The following ZFYVE9 variants were observed in gnomAD, a reference collection of about 807,000 sequenced individuals.
The protein encoded by ZFYVE9 is zinc finger FYVE-type containing 9.
A neutral mutation model predicts 126.7 loss-of-function variants in ZFYVE9; 43 were observed. The observed-to-expected ratio is 0.34, with a 90% confidence interval of 0.27 to 0.44. The LOEUF (loss-of-function observed/expected upper bound fraction) is 0.44, where lower values mean the gene tolerates loss of function less well. Among genes scored for constraint, ZFYVE9 ranks in the 20% least tolerant of loss-of-function variants. The pLI is 1.00. For synonymous variants in ZFYVE9, 521 were observed against 597.4 expected, an observed-to-expected ratio of 0.87 and a Z score of 1.87; for missense variants, 1,476 against 1,697.0, an observed-to-expected ratio of 0.87 and a Z score of 2.29.
At chr1:52,262,947 A>G (rs1645593657) in intron 4 of ZFYVE9, among the ~76,000 whole-genome samples, 1 of 152,032 alleles carries the variant, frequency 6.6e-6, no homozygotes, top group East Asian at 1.9e-4. Flanking sequence ...GTGGTGGCTT[A>G]CACCTGAAGT....
chr1:52,174,664 C>G (rs1179675843), intron 1 of ZFYVE9, among the ~76,000 whole-genome samples: 1 of 151,748 alleles, frequency 6.6e-6, no homozygotes, highest in Non-Finnish European at 1.5e-5. Flanking sequence ...TCACTCAGGA[C>G]TTGCTTTATG....
In ZFYVE9 at chr1:52,337,948, A is replaced by G. The variant is rs1294603944; in HGVS notation, c.3833+14A>G. 4 of 1,611,838 alleles carry G rather than the reference A, an allele frequency of 2.5e-6. No individual in the cohort carries two copies. The highest frequency in any genetic ancestry group is 3.4e-6 in the Non-Finnish European group (4 of 1,178,462). On this transcript the variant is annotated intron_variant, in intron 16 of 18. Coordinates refer to ENST00000287727, the MANE Select transcript of ZFYVE9 (RefSeq NM_004799.4). The stretch of plus-strand genomic sequence containing the variant: ...CGTTAGCAAGGGGTAAATGCAGCAC[A>G]TGTCCCCCTTTGTGGCTTTTAGTTA...
chr1:52,233,012 A>G (rs894596528), intron 2 of ZFYVE9, among the ~76,000 whole-genome samples, 159 bp from the exon 3 acceptor site: 1 of 152,110 alleles, frequency 6.6e-6, no homozygotes, highest in Non-Finnish European at 1.5e-5. Flanking sequence ...TTTAGAATTT[A>G]TTAGCTTAAA....
intron 1 of ZFYVE9, among the ~76,000 whole-genome samples, chr1:52,203,522 A>G (rs1423610382): frequency 2.0e-5 from 2 of 100,326 alleles, no homozygotes; most frequent in African/African-American, 7.7e-5. Context: ...TTTATTTTCT[A>G]TAGTTTGAAT....
At chr1:52,280,331 G>A in intron 9 of ZFYVE9, among the ~76,000 whole-genome samples, 1 of 149,460 alleles carries the variant, frequency 6.7e-6, no homozygotes, top group Non-Finnish European at 1.5e-5. Context: ...AGTGAGCCGA[G>A]ATCATGACAC....
intron 1 of ZFYVE9, among the ~76,000 whole-genome samples, chr1:52,156,154 T>C (rs1644401316): frequency 6.6e-6 from 1 of 152,214 alleles, no homozygotes; most frequent in Non-Finnish European, 1.5e-5. Flanking sequence ...GTTTGTTCCA[T>C]GTGAAAGTGA....
rs992734246 is a variant in ZFYVE9 at position 52,274,555 on chromosome 1, C to G, written c.2717C>G (p.Pro906Arg). 1 of 1,612,288 alleles carries G rather than the reference C, an allele frequency of 6.2e-7. No homozygotes were observed. Among genetic ancestry groups the G allele is most frequent in the East Asian group, 2.2e-5 (1 of 44,796 alleles). ...MNLIPEDGLP[P>R]ILISTGVKGD... Reference sequence around the variant, plus strand: ...CTTATTCCTGAAGATGGCCTTCCTCCCATTCTCATCTCCACTGGTGTAAAA... The same window carrying G: ...CTTATTCCTGAAGATGGCCTTCCTCGCATTCTCATCTCCACTGGTGTAAAA... The change falls in exon 8 of 19, where the codon CCC becomes CGC. Residue 906 changes from proline to arginine, a missense_variant. By Grantham distance (103) the Pro-to-Arg change is moderately radical. This residue lies in a region of ZFYVE9 where 669 missense variants were observed against 902.4 expected (regional missense o/e 0.74). Coordinates refer to ENST00000287727, the MANE Select transcript of ZFYVE9 (RefSeq NM_004799.4).
intron 1 of ZFYVE9, among the ~76,000 whole-genome samples, chr1:52,209,157 A>G (rs1391854070): frequency 2.0e-5 from 3 of 152,178 alleles, no homozygotes; most frequent in Admixed American, 2.0e-4. Flanking sequence ...TAGGGGTAAA[A>G]GGTACACAAG....
chr1:52,198,124 G>GTTTTTTTT (rs34521113), intron 1 of ZFYVE9, among the ~76,000 whole-genome samples: 1 of 128,162 alleles, frequency 7.8e-6, no homozygotes, highest in Admixed American at 9.2e-5. Flanking sequence ...TTTTTTGTTT[G>GTTTTTTTT]TTTTTTTTTT....
At position 52,223,069 on chromosome 1, in the gene ZFYVE9, A is replaced by G. The variant is rs571529157; in HGVS notation, c.-37+6595A>G. On this transcript the variant is annotated intron_variant, in intron 2 of 18. Transcript: ENST00000287727. The stretch of plus-strand genomic sequence containing the variant: ...AAAGCGAGCTGCTCCTGAATCGACT[A>G]AGAAAGTGACTATCTCTGATTTGGG... Among the ~76,000 whole-genome samples the G allele has an allele frequency of 6.6e-5, 10 of 152,230 alleles. No homozygotes were observed. In the East Asian group the frequency reaches 1.9e-3, roughly 29 times the overall value.
At chr1:52,319,187 T>C (rs1401206400) in intron 13 of ZFYVE9, among the ~76,000 whole-genome samples, 2 of 152,170 alleles carry the variant, frequency 1.3e-5, no homozygotes, top group African/African-American at 4.8e-5. Flanking sequence ...AACTACAAAA[T>C]ATTGTTACGA....
At chr1:52,225,949 G>T (rs760645949) in intron 2 of ZFYVE9, among the ~76,000 whole-genome samples, 1 of 152,208 alleles carries the variant, frequency 6.6e-6, no homozygotes, top group South Asian at 2.1e-4. Context: ...AAGAAAAACA[G>T]CTCTCTCTAT....
chr1:52,236,889 G>A (rs190464637), intron 3 of ZFYVE9, among the ~76,000 whole-genome samples: 11 of 152,204 alleles, frequency 7.2e-5, no homozygotes, highest in African/African-American at 2.6e-4. Flanking sequence ...CATTTCATAT[G>A]CTGCCATTTT....
chr1:52,335,108 C>T (rs1342549372), intron 15 of ZFYVE9: 1 of 169,250 alleles, frequency 5.9e-6, no homozygotes, highest in African/African-American at 2.4e-5. Flanking sequence ...CTGTGGTCAT[C>T]ATTTGGAGTA....
Position 52,312,761 on chromosome 1 carries a change from T to A in ZFYVE9, c.3438+8836T>A, listed in dbSNP as rs556744571. Among the ~76,000 whole-genome samples the A allele has an allele frequency of 5.4e-3, 828 of 152,340 alleles. 5 individuals carry two copies. Among genetic ancestry groups the A allele is most frequent in the South Asian group, 0.02 (96 of 4,834 alleles). Reference sequence around the variant, plus strand: ...TCTATCAGGGGTGTACGGTTCTCCCTGTTCAAATATAATTTATTATCTTTC... The same window carrying A: ...TCTATCAGGGGTGTACGGTTCTCCCAGTTCAAATATAATTTATTATCTTTC... On this transcript the variant is annotated intron_variant, in intron 13 of 18. Transcript: ENST00000287727.
chr1:52,157,394 C>CTTTTTTTTTT lies in ZFYVE9; in HGVS notation c.-143+15006_-143+15015dup, dbSNP rs71579908. Among the ~76,000 whole-genome samples, 320 of 58,458 alleles carry CTTTTTTTTTT rather than the reference C, an allele frequency of 5.5e-3. 18 individuals carry two copies. Among genetic ancestry groups the CTTTTTTTTTT allele is most frequent in the East Asian group, 6.4e-3 (12 of 1,868 alleles). 38.4% of individuals were successfully genotyped at this position (58,458 alleles called of 152,430 possible). The stretch of plus-strand genomic sequence containing the variant: ...TTTTTTCCTTATGGCACCATATTCT[C>CTTTTTTTTTT]TTTTTTTTTTTTTTTTTTTTTTTTG... On this transcript the variant is annotated intron_variant, in intron 1 of 18. Transcript: ENST00000287727.
chr1:52,219,243 C>T (rs1425813130), intron 2 of ZFYVE9, among the ~76,000 whole-genome samples: 4 of 151,892 alleles, frequency 2.6e-5, no homozygotes, highest in Non-Finnish European at 5.9e-5. Context: ...AGACAGGCAT[C>T]GAATGTAATT....
At chr1:52,225,940 A>G (rs952101994) in intron 2 of ZFYVE9, among the ~76,000 whole-genome samples, 1 of 152,126 alleles carries the variant, frequency 6.6e-6, no homozygotes, top group East Asian at 1.9e-4. Flanking sequence ...GAAAGGAGAA[A>G]GAAAAACAGC....
At chr1:52,288,399 A>C (rs2147824103) in intron 10 of ZFYVE9, among the ~76,000 whole-genome samples, 1 of 152,266 alleles carries the variant, frequency 6.6e-6, no homozygotes, top group South Asian at 2.1e-4. Flanking sequence ...CCTTGGGCCC[A>C]AGTGATCCTT....
Sources: allele counts gnomAD v4.1 joint callset (sites outside exome capture counted in the v4.1 genomes callset), GRCh38; gene constraint gnomAD v4.1.1; regional missense constraint gnomAD v4.1.1; transcripts MANE v1.5; gene names NCBI Gene and HGNC (gene_info 2026-07-23, HGNC 2026-07-21).